Variants in PUM1 observed in about 807,000 individuals in gnomAD.
The protein encoded by PUM1 is pumilio RNA binding family member 1.
In PUM1, 13 loss-of-function variants were observed where a neutral mutation model predicts 131.8. The observed-to-expected ratio is 0.10, with a 90% CI of 0.06 to 0.16. The LOEUF (loss-of-function observed/expected upper bound fraction) is 0.16, where lower values mean the gene tolerates loss of function less well. Among genes scored for constraint, PUM1 ranks in the 10% least tolerant of loss-of-function variants. PUM1 has a pLI of 1.00. For missense variants in PUM1, 961 were observed against 1,512.4 expected (o/e 0.64, Z 6.05); for synonymous variants, 509 against 556.5 (o/e 0.91, Z 1.20).
intron 2 of PUM1, among the ~76,000 whole-genome samples, chr1:31,044,949 AAAG>A (rs1388484640): frequency 6.6e-6 from 1 of 152,122 alleles, no homozygotes; most frequent in East Asian, 1.9e-4. Flanking sequence ...ACCTGGGATT[AAAG>A]GCATGCGCCA....
At chr1:31,032,029 T>A (rs1643449131) in intron 2 of PUM1, among the ~76,000 whole-genome samples, 1 of 152,150 alleles carries the variant, frequency 6.6e-6, no homozygotes, top group Non-Finnish European at 1.5e-5. Context: ...TATACCACCC[T>A]CCTGCCCTAC....
rs1641821554 is a variant in PUM1 at position 30,992,278 on chromosome 1, A to T, written c.1158+112T>A. ...ACTAACAGGTTCACAAGGGCTAGCTATGGATAGCCTGAAACAATGCCACCA... is the reference window on the plus strand; with the variant it reads ...ACTAACAGGTTCACAAGGGCTAGCTTTGGATAGCCTGAAACAATGCCACCA... On this transcript the variant is annotated intron_variant, in intron 7 of 21. Coordinates refer to ENST00000426105, the MANE Select transcript of PUM1 (RefSeq NM_001020658.2). The T allele has an allele frequency of 5.8e-6, 8 of 1,389,506 alleles. No individual in the cohort carries two copies. The South Asian group carries it at 9.5e-5, about 17-fold the overall frequency. The allele number at this position is 1,389,506 out of a possible 1,614,324, so 86.1% of individuals were successfully genotyped here. A position where few individuals can be genotyped will look rare whatever the true frequency, so the allele number is the denominator to read the frequency against.
intron 2 of PUM1, among the ~76,000 whole-genome samples, chr1:31,031,037 A>G (rs1643410291): frequency 6.6e-6 from 1 of 152,224 alleles, no homozygotes; most frequent in Non-Finnish European, 1.5e-5. Flanking sequence ...AGGAGCTATG[A>G]TCATTTTACA....
At chr1:31,009,857 T>C (rs899322482) in intron 3 of PUM1, among the ~76,000 whole-genome samples, 7 of 149,976 alleles carry the variant, frequency 4.7e-5, no homozygotes, top group Admixed American at 1.3e-4. Context: ...TATGTAAATA[T>C]AGTCTTATCC....
intron 2 of PUM1, among the ~76,000 whole-genome samples, chr1:31,038,986 T>TATATATATATATATATATA (rs1557599381): frequency 6.2e-4 from 17 of 27,456 alleles, no homozygotes; most frequent in African/African-American, 4.6e-3. Context: ...ATATATATAT[T>TATATATATATATATATATA]TTTTTTTTTT....
chr1:31,033,779 A>C (rs959078071), intron 2 of PUM1, among the ~76,000 whole-genome samples: 9 of 152,128 alleles, frequency 5.9e-5, no homozygotes, highest in Non-Finnish European at 1.2e-4. Context: ...AGTAGCCAGG[A>C]CTAGAGACAC....
intron 3 of PUM1, among the ~76,000 whole-genome samples, chr1:31,010,303 A>T (rs1445254441): frequency 6.6e-6 from 1 of 152,140 alleles, no homozygotes; most frequent in Non-Finnish European, 1.5e-5. Flanking sequence ...CTTCACTTAC[A>T]AGTACTCATA....
chr1:30,959,634 G>A (rs940035875), intron 14 of PUM1, among the ~76,000 whole-genome samples: 23 of 152,110 alleles, frequency 1.5e-4, no homozygotes, highest in Admixed American at 1.0e-3. Flanking sequence ...ATGGCCGGGC[G>A]AGATGGCTCA....
intron 2 of PUM1, among the ~76,000 whole-genome samples, chr1:31,035,370 G>A (rs1643573312): frequency 6.6e-6 from 1 of 151,394 alleles, no homozygotes; most frequent in South Asian, 2.1e-4. Flanking sequence ...TCCAACCTGG[G>A]TGACAAAACA....
intron 3 of PUM1, among the ~76,000 whole-genome samples, chr1:31,024,198 T>G (rs1487851949): frequency 2.0e-5 from 3 of 152,130 alleles, no homozygotes; most frequent in Admixed American, 1.3e-4. Flanking sequence ...GAACCTAGGC[T>G]CTAAGAAGTT....
At chr1:30,995,557 GT>G (rs1169927313) in intron 5 of PUM1, among the ~76,000 whole-genome samples, 1 of 150,282 alleles carries the variant, frequency 6.7e-6, no homozygotes, top group Non-Finnish European at 1.5e-5. Flanking sequence ...TCTTGGTCAA[GT>G]TCTCTACTCC....
intron 16 of PUM1, among the ~76,000 whole-genome samples, 167 bp downstream of exon 16, chr1:30,952,067 T>C (rs746108311): frequency 3.9e-5 from 6 of 152,180 alleles, no homozygotes; most frequent in East Asian, 1.9e-4. Flanking sequence ...ACAGAATAGA[T>C]AGACTGCTGC....
chr1:30,936,849 A>C lies in PUM1; in HGVS notation c.3243-14T>G. ...TCCACAACATTGCTGTAATGAGATA[A>C]AACCAGGGACAACTCTTACAAGAGA... On this transcript the variant is annotated splice_polypyrimidine_tract_variant and intron_variant, in intron 20 of 21. Transcript: ENST00000426105. 6.3e-7 allele frequency: 1 copy of C among 1,588,430 alleles called. No homozygotes were observed. The highest frequency in any genetic ancestry group is 1.1e-5 in the South Asian group (1 of 89,252).
intron 2 of PUM1, among the ~76,000 whole-genome samples, chr1:31,037,833 G>A (rs567627319): frequency 2.1e-3 from 326 of 152,212 alleles, no homozygotes; most frequent in Non-Finnish European, 3.4e-3. Context: ...GGCAGATCAC[G>A]AGGTCAGGAG....
intron 2 of PUM1, among the ~76,000 whole-genome samples, chr1:31,051,233 G>C (rs568209461): frequency 6.6e-6 from 1 of 150,556 alleles, no homozygotes; most frequent in South Asian, 2.1e-4. Flanking sequence ...GAATATCATT[G>C]TTAAGATGGC....
chr1:31,014,320 A>C (rs2124522508), intron 3 of PUM1, among the ~76,000 whole-genome samples: 1 of 150,752 alleles, frequency 6.6e-6, no homozygotes, highest in African/African-American at 2.4e-5. Flanking sequence ...AAAAAAAAAA[A>C]AAATCTACAT....
chr1:31,040,581 A>G (rs1431198546), intron 2 of PUM1, among the ~76,000 whole-genome samples: 1 of 152,154 alleles, frequency 6.6e-6, no homozygotes, highest in Non-Finnish European at 1.5e-5. Flanking sequence ...GCCGAAATGG[A>G]GCGCCAGTAA....
chr1:31,025,228 A>G (rs1643178067), intron 3 of PUM1, among the ~76,000 whole-genome samples: 1 of 152,234 alleles, frequency 6.6e-6, no homozygotes, highest in African/African-American at 2.4e-5. Flanking sequence ...GAAATACTCT[A>G]AACCTTTCAA....
In PUM1 at chr1:31,030,376, G is replaced by C. The variant is rs140496061; in HGVS notation, c.364-1512C>G. ...ACTGGATAAACGTATTGAGGGTCAA[G>C]TTAGGGCCAAGCAATGGAGAAAAGA... On this transcript the variant is annotated intron_variant, in intron 2 of 21. Transcript: ENST00000426105. Among the ~76,000 whole-genome samples the C allele has an allele frequency of 4.6e-3, 697 of 152,170 alleles. 5 individuals are homozygous for C. The highest frequency in any genetic ancestry group is 0.016 in the African/African-American group (658 of 41,510).
Sources: allele counts gnomAD v4.1 joint callset (sites outside exome capture counted in the v4.1 genomes callset), GRCh38; gene constraint gnomAD v4.1.1; transcripts MANE v1.5; gene names NCBI Gene and HGNC (gene_info 2026-07-23, HGNC 2026-07-21).